The following HHIP variants were observed in gnomAD, a reference collection of about 807,000 sequenced individuals.
HHIP encodes hedgehog-interacting protein.
In HHIP, 12 loss-of-function variants were observed where a neutral mutation model predicts 74.0. The observed-to-expected ratio is 0.16, with a 90% CI of 0.10 to 0.26. The LOEUF is 0.26. Ranked by LOEUF, HHIP falls within the 10% of genes least tolerant of loss-of-function variation. The probability of loss-of-function intolerance (pLI) is 1.00; values close to 1 mark genes in which losing one functional copy is unlikely to be tolerated. For missense variants in HHIP, 788 were observed against 845.0 expected (o/e 0.93, Z 0.84); for synonymous variants, 309 against 311.6 (o/e 0.99, Z 0.09).
At chr4:144,660,600 G>A (rs914895210) in intron 4 of HHIP, among the ~76,000 whole-genome samples, 7 of 151,604 alleles carry the variant, frequency 4.6e-5, no homozygotes, top group African/African-American at 1.7e-4. Context: ...AAAAAAACCT[G>A]AAGGAGGATT....
At chr4:144,718,991 T>C (rs746076174) in intron 11 of HHIP, 35 bp downstream of exon 11, 6 of 1,277,308 alleles carry the variant, frequency 4.7e-6, no homozygotes, top group African/African-American at 1.5e-5. Flanking sequence ...AGTCAAGTAA[T>C]TTTCTTCTTC....
chr4:144,717,784 C>A (rs1215154158), intron 10 of HHIP, among the ~76,000 whole-genome samples: 2 of 152,076 alleles, frequency 1.3e-5, no homozygotes, highest in East Asian at 3.9e-4. Context: ...CTTCTCTCCC[C>A]TCTCCCCCAG....
Position 144,714,279 on chromosome 4 carries a change from G to C in HHIP, c.1478G>C (p.Gly493Ala), listed in dbSNP as rs1351911166. Residue 493 changes from glycine to alanine, a missense_variant, in exon 9 of 13, where the codon GGT becomes GCT. Physicochemically the swap from Gly to Ala is moderately conservative, Grantham distance 60. This residue lies in a region of HHIP where 343 missense variants were observed against 347.9 expected (regional missense o/e 0.99). Coordinates refer to ENST00000296575, the MANE Select transcript of HHIP (RefSeq NM_022475.3). Reference protein sequence around the residue: ...FKPFSNGPLVGGFVYRGCQSE... With the variant: ...FKPFSNGPLVAGFVYRGCQSE... The stretch of plus-strand genomic sequence containing the variant: ...CCATTCAGTAATGGTCCTTTGGTTG[G>C]TGGATTTGTATACCGGGGCTGCCAG... The C allele has an allele frequency of 3.1e-6, 5 of 1,613,308 alleles. No individual in the cohort carries two copies. The African/African-American group carries it at 5.3e-5, about 17-fold the overall frequency.
intron 1 of HHIP, 118 bp from the exon 2 acceptor site, chr4:144,652,486 CA>C (rs35830259): frequency 3.1e-6 from 2 of 652,812 alleles, no homozygotes; most frequent in South Asian, 1.9e-5. Flanking sequence ...TAATTCTTTT[CA>C]AAAAACTTCA....
chr4:144,661,139 A>T (rs1578680846), intron 4 of HHIP: 1 of 152,174 alleles, frequency 6.6e-6, no homozygotes, highest in Non-Finnish European at 1.5e-5. Context: ...TGCCTTTTAA[A>T]TCAGGGTTCC....
chr4:144,702,671 G>A (rs1730017990), intron 4 of HHIP, among the ~76,000 whole-genome samples: 1 of 151,734 alleles, frequency 6.6e-6, no homozygotes, highest in Non-Finnish European at 1.5e-5. Flanking sequence ...GTTCAAGTCA[G>A]TAAGTTGTTT....
intron 4 of HHIP, among the ~76,000 whole-genome samples, chr4:144,662,043 T>A (rs536438364): frequency 3.0e-4 from 45 of 152,306 alleles, no homozygotes; most frequent in African/African-American, 9.6e-4. Context: ...CACAATTACA[T>A]TAATTGATGA....
intron 4 of HHIP, chr4:144,660,267 A>G (rs1283078594): frequency 4.8e-6 from 1 of 206,420 alleles, no homozygotes; most frequent in Non-Finnish European, 9.5e-6. Context: ...AATACTACTT[A>G]TACTACAACT....
intron 4 of HHIP, among the ~76,000 whole-genome samples, chr4:144,681,834 C>G (rs1729353871): frequency 6.6e-6 from 1 of 152,180 alleles, no homozygotes; most frequent in Non-Finnish European, 1.5e-5. Context: ...CAAAATGAAG[C>G]AACATTGGCT....
chr4:144,727,485 G>A lies in HHIP; in HGVS notation c.1761-7256G>A, dbSNP rs76508205. Among the ~76,000 whole-genome samples, 14 of 152,208 alleles carry A rather than the reference G, an allele frequency of 9.2e-5. No homozygotes were observed. The East Asian group carries it at 2.3e-3, about 25-fold the overall frequency. ...AATATTTTTCAGGAACATGTACATT[G>A]AATTACAGTAGAAATGCCTATTTTT... On this transcript the variant is annotated intron_variant, in intron 11 of 12. Transcript: ENST00000296575.
At chr4:144,658,400 C>T (rs982938579) in intron 2 of HHIP, among the ~76,000 whole-genome samples, 1 of 151,002 alleles carries the variant, frequency 6.6e-6, no homozygotes. Flanking sequence ...GAAGGTGTCT[C>T]GCTCTGTGGC....
At chr4:144,733,227 A>G (rs1169809092) in intron 11 of HHIP, among the ~76,000 whole-genome samples, 3 of 152,178 alleles carry the variant, frequency 2.0e-5, no homozygotes, top group African/African-American at 7.2e-5. Context: ...TGCTTAGTGC[A>G]TAGAATGCCT....
chr4:144,669,375 A>G (rs528103722), intron 4 of HHIP, among the ~76,000 whole-genome samples: 24 of 152,194 alleles, frequency 1.6e-4, no homozygotes, highest in Middle Eastern at 3.2e-3. Flanking sequence ...GACAATGTAT[A>G]TGGTCACAGT....
At chr4:144,664,747 A>C (rs1023859167) in intron 4 of HHIP, among the ~76,000 whole-genome samples, 3 of 152,206 alleles carry the variant, frequency 2.0e-5, no homozygotes, top group Non-Finnish European at 4.4e-5. Context: ...GTTAATAGAA[A>C]GAAAGCAACA....
At chr4:144,720,168 C>T (rs923854720) in intron 11 of HHIP, among the ~76,000 whole-genome samples, 75 of 151,674 alleles carry the variant, frequency 4.9e-4, no homozygotes, top group African/African-American at 1.7e-3. Flanking sequence ...ATTTTTTTTC[C>T]ACAAGTGTGA....
intron 11 of HHIP, among the ~76,000 whole-genome samples, chr4:144,729,524 T>G (rs1051167509): frequency 6.6e-6 from 1 of 152,218 alleles, no homozygotes; most frequent in Non-Finnish European, 1.5e-5. Flanking sequence ...CTGGCCATTT[T>G]GTTAAAGATT....
Position 144,743,534 on chromosome 4 carries a change from C to G in HHIP, c.*5577C>G, listed in dbSNP as rs1017414526. 4 of 152,014 alleles carry G rather than the reference C, an allele frequency of 2.6e-5. No individual in the cohort carries two copies. Among genetic ancestry groups the G allele is most frequent in the Non-Finnish European group, 5.9e-5 (4 of 67,936 alleles). The allele number at this position is 152,014 out of a possible 1,614,324, so 9.4% of individuals were successfully genotyped here. ...ATCTAAGGTTACTTCTCACATACAT[C>G]ATAAAGTCAGCCATCATCTTTCATT... On this transcript the variant is annotated 3_prime_UTR_variant, in exon 13 of 13. Coordinates refer to ENST00000296575, the MANE Select transcript of HHIP (RefSeq NM_022475.3).
At chr4:144,705,085 C>T (rs1037222213) in intron 4 of HHIP, among the ~76,000 whole-genome samples, 5 of 152,066 alleles carry the variant, frequency 3.3e-5, no homozygotes, top group Non-Finnish European at 7.4e-5. Context: ...ATGACTTGGT[C>T]GTTCTGTGTA....
Position 144,652,638 on chromosome 4 carries a change from A to G in HHIP, c.313A>G (p.Lys105Glu), listed in dbSNP as rs746224260. The G allele has an allele frequency of 4.3e-6, 7 of 1,610,038 alleles. No homozygotes were observed. In the East Asian group the frequency reaches 1.3e-4, roughly 31 times the overall value. Residue 105 changes from lysine (K) to glutamate (E), a missense_variant, in exon 2 of 13, where the codon AAG becomes GAG. Physicochemically the swap from Lys to Glu is moderately conservative, Grantham distance 56. Around this residue, in one of 3 missense-constraint regions of HHIP, gnomAD observed 373 missense variants for 366.4 expected, o/e 1.02. Transcript: ENST00000296575. ...TGTTACCAACAACACAGAATGTGGG[A>G]AGTTACTGGAGGAAATCAAATGTGC... is the stretch of plus-strand genomic sequence containing the variant. ...FSVTNNTECG[K>E]LLEEIKCALC...
Sources: gnomAD v4.1 joint callset for allele counts (sites outside exome capture counted in the v4.1 genomes callset) on GRCh38, gnomAD v4.1.1 for gene constraint, gnomAD v4.1.1 regional missense constraint, MANE v1.5 for transcripts, NCBI Gene and HGNC (gene_info 2026-07-23, HGNC 2026-07-21) for gene names.